The following ZNF521 variants were observed in gnomAD, a reference collection of about 807,000 sequenced individuals.
ZNF521 encodes LYST-interacting protein 3.
In ZNF521, 14 loss-of-function variants were observed where a neutral mutation model predicts 105.5. That is an observed-to-expected ratio of 0.13 (90% CI 0.09 to 0.21). ZNF521 has a LOEUF of 0.21. Ranked by LOEUF, ZNF521 falls within the 10% of genes least tolerant of loss-of-function variation. The pLI is 1.00. For missense variants in ZNF521, 1,233 were observed against 1,629.7 expected (o/e 0.76, Z 4.19); for synonymous variants, 635 against 606.0 (o/e 1.05, Z -0.70).
At chr18:25,323,402 T>C (rs969973002) in intron 2 of ZNF521, among the ~76,000 whole-genome samples, 6 of 152,042 alleles carry the variant, frequency 3.9e-5, no homozygotes, top group Non-Finnish European at 8.8e-5. Flanking sequence ...ACAATAAATA[T>C]GATAATTTAA....
Position 25,227,876 on chromosome 18 carries a change from C to A in ZNF521, c.221-179G>T, listed in dbSNP as rs1044047410. ...CAAATCTGAGCCCAAAGCAGTTATT[C>A]TGCATTTACTTTTTGTTGAGTTGTA... On this transcript the variant is annotated intron_variant, in intron 3 of 7. Transcript: ENST00000361524. This position sits in a 1 kb window ranked among gnomAD's most constrained non-coding sequence, Gnocchi z 5.7. Among the ~76,000 whole-genome samples, 1 of 152,176 alleles carries A rather than the reference C, an allele frequency of 6.6e-6. No individual in the cohort carries two copies. The highest frequency in any genetic ancestry group is 2.4e-5 in the African/African-American group (1 of 41,446).
chr18:25,145,757 C>T (rs2034930743), intron 5 of ZNF521, among the ~76,000 whole-genome samples: 1 of 152,160 alleles, frequency 6.6e-6, no homozygotes, highest in African/African-American at 2.4e-5. Context: ...ACACTCTGAG[C>T]CTTCAGAAAC....
At chr18:25,232,520 G>GC (rs1906603157) in intron 3 of ZNF521, among the ~76,000 whole-genome samples, 2 of 152,170 alleles carry the variant, frequency 1.3e-5, no homozygotes, top group African/African-American at 2.4e-5. Context: ...AATCTACAGT[G>GC]CCTTAAGCTT....
At chr18:25,206,775 A>G (rs1465742011) in intron 4 of ZNF521, among the ~76,000 whole-genome samples, 2 of 152,036 alleles carry the variant, frequency 1.3e-5, no homozygotes, top group African/African-American at 4.8e-5. Context: ...ATGTCAGACC[A>G]CCCTTCTCTT....
intron 3 of ZNF521, among the ~76,000 whole-genome samples, chr18:25,321,453 T>C (rs752366505): frequency 5.3e-5 from 8 of 152,192 alleles, no homozygotes; most frequent in Non-Finnish European, 7.3e-5. Context: ...TAGGCTTAGA[T>C]AATGCGAGAA....
chr18:25,107,353 T>C (rs9952584), intron 5 of ZNF521, among the ~76,000 whole-genome samples: 69,671 of 151,968 alleles, frequency 0.46, 16,358 homozygotes, highest in South Asian at 0.66. Flanking sequence ...GCATTTTTAC[T>C]TTCTTATTAT....
At chr18:25,156,480 CAT>C (rs1467034868) in intron 5 of ZNF521, among the ~76,000 whole-genome samples, 2 of 152,200 alleles carry the variant, frequency 1.3e-5, no homozygotes, top group Non-Finnish European at 2.9e-5. Flanking sequence ...AAAATTCACA[CAT>C]GTGCATATAT....
chr18:25,189,292 C>T (rs778343015), intron 5 of ZNF521, among the ~76,000 whole-genome samples: 3 of 152,110 alleles, frequency 2.0e-5, no homozygotes, highest in Non-Finnish European at 1.5e-5. Flanking sequence ...TATTTATGCC[C>T]GCGTATGTCC....
At chr18:25,252,746 C>G (rs1437475110) in intron 3 of ZNF521, among the ~76,000 whole-genome samples, 1 of 152,052 alleles carries the variant, frequency 6.6e-6, no homozygotes. Context: ...ATAAAGTTCT[C>G]CCCTCTCTGG....
intron 2 of ZNF521, among the ~76,000 whole-genome samples, chr18:25,331,525 G>C (rs1418335376): frequency 6.6e-6 from 1 of 152,170 alleles, no homozygotes; most frequent in Non-Finnish European, 1.5e-5. Flanking sequence ...AGTCTATGTA[G>C]TCTTAGTAGC....
Position 25,227,853 on chromosome 18 carries a change from A to C in ZNF521, c.221-156T>G, listed in dbSNP as rs942702519. 1.1e-4 allele frequency among the ~76,000 whole-genome samples: 16 copies of C among 152,216 alleles called. No homozygotes were observed. The highest frequency in any genetic ancestry group is 3.6e-4 in the African/African-American group (15 of 41,450). On this transcript the variant is annotated intron_variant, in intron 3 of 7. Coordinates refer to ENST00000361524, the MANE Select transcript of ZNF521 (RefSeq NM_015461.3). This position sits in a 1 kb window ranked among gnomAD's most constrained non-coding sequence, Gnocchi z 5.7. ...AGAATATTTGAGTGAGACATTTTCA[A>C]ATCTGAGCCCAAAGCAGTTATTCTG...
intron 1 of ZNF521, chr18:25,351,394 TAAAAA>T (rs1914761533): frequency 2.7e-5 from 4 of 147,926 alleles, no homozygotes; most frequent in East Asian, 2.1e-4. Context: ...AAAAAACTAA[TAAAAA>T]GAAAAGCGTC....
chr18:25,098,442 T>G (rs1199572623), intron 5 of ZNF521, among the ~76,000 whole-genome samples: 1 of 150,594 alleles, frequency 6.6e-6, no homozygotes, highest in African/African-American at 2.5e-5. Context: ...TTGCCCTCAT[T>G]TTTTTTTTAT....
intron 2 of ZNF521, among the ~76,000 whole-genome samples, chr18:25,334,662 A>G (rs1222075065): frequency 6.6e-6 from 1 of 152,178 alleles, no homozygotes; most frequent in Non-Finnish European, 1.5e-5. Flanking sequence ...GTTGAATATA[A>G]AAGTTCACAC....
intron 4 of ZNF521, among the ~76,000 whole-genome samples, chr18:25,212,111 T>C (rs1460964376): frequency 6.6e-6 from 1 of 152,208 alleles, no homozygotes; most frequent in Admixed American, 6.5e-5. Context: ...AAATATTTTC[T>C]CTGCCTATTC....
chr18:25,066,762 G>C (rs754685313), intron 7 of ZNF521, among the ~76,000 whole-genome samples: 3 of 152,184 alleles, frequency 2.0e-5, no homozygotes, highest in Admixed American at 6.5e-5. Flanking sequence ...ATGCATATGA[G>C]CAGAAAGCGG....
In ZNF521 at chr18:25,245,845, C is replaced by T. The variant is rs1182403254; in HGVS notation, c.221-18148G>A. ...CTGAGCAACATAGTGAGACCCATCTCTACAAAAAATTTAAAAATTAGCCAG... is the reference window on the plus strand; with the variant it reads ...CTGAGCAACATAGTGAGACCCATCTTTACAAAAAATTTAAAAATTAGCCAG... On this transcript the variant is annotated intron_variant, in intron 3 of 7. Coordinates refer to ENST00000361524, the MANE Select transcript of ZNF521 (RefSeq NM_015461.3). Among the ~76,000 whole-genome samples the T allele has an allele frequency of 3.3e-5, 5 of 152,006 alleles. No individual in the cohort carries two copies. In the East Asian group the frequency reaches 9.7e-4, roughly 29 times the overall value.
chr18:25,252,464 A>G (rs1908184566), intron 3 of ZNF521, among the ~76,000 whole-genome samples: 1 of 152,080 alleles, frequency 6.6e-6, no homozygotes, highest in South Asian at 2.1e-4. Context: ...CACTATGCAC[A>G]TATTCTACAA....
chr18:25,148,678 T>C (rs1316446579), intron 5 of ZNF521, among the ~76,000 whole-genome samples: 2 of 152,148 alleles, frequency 1.3e-5, no homozygotes, highest in Non-Finnish European at 2.9e-5. Context: ...GATAACTGTG[T>C]TTTGTGAGTG....
Sources: allele counts gnomAD v4.1 joint callset (sites outside exome capture counted in the v4.1 genomes callset), GRCh38; gene constraint gnomAD v4.1.1; non-coding constraint Gnocchi (gnomAD v3.1); transcripts MANE v1.5; gene names NCBI Gene and HGNC (gene_info 2026-07-23, HGNC 2026-07-21).